KANSL1L: variants seen among roughly 807,000 people sequenced by gnomAD.
KANSL1L encodes the protein KAT8 regulatory NSL complex subunit 1-like protein.
In KANSL1L, 25 loss-of-function variants were observed where a neutral mutation model predicts 108.6. The observed-to-expected ratio is 0.23, with a 90% CI of 0.17 to 0.32. The LOEUF is 0.32. KANSL1L is among the 10% of genes least tolerant of loss of function. The pLI, the probability that KANSL1L is intolerant of heterozygous loss-of-function variation, is 1.00. For missense variants in KANSL1L, 1,137 were observed against 1,125.7 expected (o/e 1.01, Z -0.14); for synonymous variants, 405 against 395.1 (o/e 1.03, Z -0.30).
chr2:210,105,222 C>A (rs2094834835), intron 3 of KANSL1L, among the ~76,000 whole-genome samples: 1 of 150,880 alleles, frequency 6.6e-6, no homozygotes, highest in African/African-American at 2.4e-5. Context: ...ATTCTACCAC[C>A]CTTCCTCCTG....
intron 11 of KANSL1L, among the ~76,000 whole-genome samples, chr2:210,027,635 A>G (rs2093955719): frequency 6.6e-6 from 1 of 152,104 alleles, no homozygotes. Context: ...ACGCTGATAA[A>G]CTGGCCTGGC....
chr2:210,060,511 T>A (rs2094408217), intron 6 of KANSL1L, among the ~76,000 whole-genome samples: 1 of 152,252 alleles, frequency 6.6e-6, no homozygotes, highest in Admixed American at 6.5e-5. Context: ...AAAATTATCC[T>A]GCTCAAAATA....
intron 5 of KANSL1L, among the ~76,000 whole-genome samples, chr2:210,083,077 G>C (rs779642653): frequency 6.6e-6 from 1 of 152,148 alleles, no homozygotes; most frequent in Non-Finnish European, 1.5e-5. Context: ...GACACACAAA[G>C]AATGCCATGT....
chr2:210,129,187 A>G lies in KANSL1L; in HGVS notation c.1089-15T>C. On this transcript the variant is annotated splice_polypyrimidine_tract_variant and intron_variant, in intron 2 of 14. Transcript: ENST00000281772. ...TACTACAGTTACTGTGAACAAAACA[A>G]ACACTGTTACTCAAAGCACAAAGGC... 6.3e-7 allele frequency: 1 copy of G among 1,594,398 alleles called. No homozygotes were observed. Among genetic ancestry groups the G allele is most frequent in the Non-Finnish European group, 8.6e-7 (1 of 1,169,334 alleles).
chr2:210,107,664 G>C (rs574945387), intron 3 of KANSL1L, among the ~76,000 whole-genome samples: 4 of 151,854 alleles, frequency 2.6e-5, no homozygotes, highest in Non-Finnish European at 4.4e-5. Flanking sequence ...GAGTAGCTGG[G>C]ACTACAGGTG....
At chr2:210,160,987 T>C (rs77103033) in intron 1 of KANSL1L, among the ~76,000 whole-genome samples, 12 of 143,022 alleles carry the variant, frequency 8.4e-5, no homozygotes, top group African/African-American at 3.1e-4. Context: ...TACGGCCAAT[T>C]TTTTTTTTTT....
chr2:210,072,924 A>C (rs567637793), intron 6 of KANSL1L, among the ~76,000 whole-genome samples: 9 of 152,274 alleles, frequency 5.9e-5, no homozygotes, highest in Non-Finnish European at 1.0e-4. Flanking sequence ...ATGATTCTCT[A>C]ATTTGACTGT....
intron 3 of KANSL1L, among the ~76,000 whole-genome samples, chr2:210,104,688 A>T (rs1261099441): frequency 2.0e-5 from 3 of 152,156 alleles, no homozygotes; most frequent in Non-Finnish European, 4.4e-5. Context: ...TAGCATTGCT[A>T]TTTGTGCTTT....
At chr2:210,162,578 T>C (rs2095367793) in intron 1 of KANSL1L, among the ~76,000 whole-genome samples, 3 of 152,104 alleles carry the variant, frequency 2.0e-5, no homozygotes, top group African/African-American at 7.2e-5. Context: ...GCAGAGTCAC[T>C]GGCATATAAA....
chr2:210,097,869 C>A, intron 5 of KANSL1L: 1 of 274,276 alleles, frequency 3.6e-6, no homozygotes, highest in Non-Finnish European at 6.8e-6. Flanking sequence ...ATGAAACTTC[C>A]CAGAAATCTC....
At chr2:210,116,527 A>G (rs2094955786) in intron 3 of KANSL1L, among the ~76,000 whole-genome samples, 1 of 152,128 alleles carries the variant, frequency 6.6e-6, no homozygotes, top group South Asian at 2.1e-4. Flanking sequence ...CCTAGCTCCA[A>G]GCAGCTCAGT....
intron 6 of KANSL1L, among the ~76,000 whole-genome samples, chr2:210,053,875 C>T (rs934741070): frequency 2.6e-5 from 4 of 151,636 alleles, no homozygotes; most frequent in African/African-American, 9.7e-5. Flanking sequence ...ATAAAGAGCT[C>T]CTACAAATCA....
At chr2:210,031,339 C>T (rs915201412) in intron 9 of KANSL1L, 82 bp downstream of exon 9, 19 of 937,302 alleles carry the variant, frequency 2.0e-5, no homozygotes, top group South Asian at 9.1e-5. Context: ...GGATTATAAA[C>T]TCCCATGAGA....
At chr2:210,135,520 C>T (rs1249534761) in intron 2 of KANSL1L, among the ~76,000 whole-genome samples, 3 of 152,070 alleles carry the variant, frequency 2.0e-5, no homozygotes, top group Non-Finnish European at 2.9e-5. Flanking sequence ...GAAAATAAAA[C>T]GTGAGCCAAA....
chr2:210,023,107 T>C lies in KANSL1L; in HGVS notation c.2806A>G (p.Lys936Glu). Reference protein sequence around the residue: ...DMAALLCQDEKKDQVERSSTA... With the variant: ...DMAALLCQDEEKDQVERSSTA... ...CTTGACCTTTCAACCTGATCCTTTTTTTCATCTTGACATAATAAGGCTGCC... is the reference window on the plus strand; with the variant it reads ...CTTGACCTTTCAACCTGATCCTTTTCTTCATCTTGACATAATAAGGCTGCC... Residue 936 changes from lysine to glutamate, a missense_variant, in exon 15 of 15, where the codon AAA becomes GAA. By Grantham distance (56) the Lys-to-Glu change is moderately conservative (BLOSUM62 1). Coordinates refer to ENST00000281772, the MANE Select transcript of KANSL1L (RefSeq NM_152519.4). The C allele has an allele frequency of 1.2e-6, 2 of 1,614,090 alleles. No individual in the cohort carries two copies. The highest frequency in any genetic ancestry group is 1.7e-6 in the Non-Finnish European group (2 of 1,179,954).
chr2:210,035,835 T>C (rs1023722519), intron 8 of KANSL1L, among the ~76,000 whole-genome samples: 6 of 152,176 alleles, frequency 3.9e-5, no homozygotes, highest in East Asian at 3.9e-4. Flanking sequence ...ACAAGACATA[T>C]GTTTGTTTTT....
At chr2:210,026,197 A>G (rs1039394554) in intron 12 of KANSL1L, among the ~76,000 whole-genome samples, 2 of 152,172 alleles carry the variant, frequency 1.3e-5, no homozygotes, top group Non-Finnish European at 2.9e-5. Flanking sequence ...TAGAAGGTAA[A>G]TTTTAGTAGT....
intron 2 of KANSL1L, among the ~76,000 whole-genome samples, chr2:210,135,594 G>A (rs937887501): frequency 3.9e-5 from 6 of 152,114 alleles, no homozygotes; most frequent in South Asian, 2.1e-4. Flanking sequence ...AAAAATGACT[G>A]AATATGGAAA....
intron 2 of KANSL1L, among the ~76,000 whole-genome samples, chr2:210,150,033 C>T (rs936155333): frequency 6.6e-6 from 1 of 151,928 alleles, no homozygotes; most frequent in Non-Finnish European, 1.5e-5. Flanking sequence ...GTTTATGTGA[C>T]CTCTAAAATG....
Sources: allele counts gnomAD v4.1 joint callset (sites outside exome capture counted in the v4.1 genomes callset), GRCh38; gene constraint gnomAD v4.1.1; transcripts MANE v1.5; gene names NCBI Gene and HGNC (gene_info 2026-07-23, HGNC 2026-07-21).